Variants in TBCD observed in about 807,000 individuals in gnomAD.
TBCD encodes tubulin-specific chaperone D.
A neutral mutation model predicts 169.3 loss-of-function variants in TBCD; 105 were observed. The observed-to-expected ratio is 0.62, with a 90% CI of 0.53 to 0.73. The LOEUF (loss-of-function observed/expected upper bound fraction) is 0.73, where lower values mean the gene tolerates loss of function less well. Among genes scored for constraint, TBCD ranks in the 30% least tolerant of loss-of-function variants. TBCD has a pLI of 0.00. For synonymous variants in TBCD, 700 were observed against 643.9 expected (o/e 1.09, Z -1.32); for missense variants, 1,444 against 1,600.1 (o/e 0.90, Z 1.66).
At chr17:82,846,341 C>G (rs1219401605) in intron 13 of TBCD, among the ~76,000 whole-genome samples, 10 of 150,962 alleles carry the variant, frequency 6.6e-5, no homozygotes, top group African/African-American at 2.4e-4. Flanking sequence ...TCTCGTCCAG[C>G]CCTCTGCTGC....
chr17:82,898,699 C>T (rs1460402255), intron 17 of TBCD, among the ~76,000 whole-genome samples: 1 of 152,106 alleles, frequency 6.6e-6, no homozygotes, highest in African/African-American at 2.4e-5. Flanking sequence ...CTTTGTTCGG[C>T]ATATGTGTTG....
intron 27 of TBCD, among the ~76,000 whole-genome samples, chr17:82,925,735 G>GT (rs1484539930): frequency 6.6e-6 from 1 of 152,204 alleles, no homozygotes; most frequent in Non-Finnish European, 1.5e-5. Context: ...GGTTTATCCA[G>GT]TTGAAACACA....
chr17:82,904,150 TC>T (rs1412283878), intron 19 of TBCD, among the ~76,000 whole-genome samples: 4 of 148,712 alleles, frequency 2.7e-5, no homozygotes, highest in Non-Finnish European at 3.0e-5. Context: ...CTCCTTGGTC[TC>T]TAGGTGGCTT....
intron 38 of TBCD, 96 bp from the exon 39 acceptor site, chr17:82,942,353 A>G (rs1331927278): frequency 1.3e-6 from 2 of 1,556,534 alleles, no homozygotes; most frequent in East Asian, 2.2e-5. Context: ...GAACCGTGTC[A>G]GTCCCCACAC....
chr17:82,782,827 T>A lies in TBCD; in HGVS notation c.771+1106T>A, dbSNP rs577971100. 6.7e-6 allele frequency among the ~76,000 whole-genome samples: 1 copy of A among 148,408 alleles called. No individual in the cohort carries two copies. Among genetic ancestry groups the A allele is most frequent in the Non-Finnish European group, 1.5e-5 (1 of 66,782 alleles). ...CTGTCTGCGGTGGCGTCGTCCTGTC[T>A]GCGGTGGCGTCCTCCTGTCCGCAGA... On this transcript the variant is annotated intron_variant, in intron 7 of 38. Coordinates refer to ENST00000355528, the MANE Select transcript of TBCD (RefSeq NM_005993.5). The surrounding 1 kb of genome is among the most constrained non-coding windows in gnomAD (Gnocchi z 5.1).
intron 9 of TBCD, among the ~76,000 whole-genome samples, chr17:82,805,650 G>C (rs1426611154): frequency 6.6e-6 from 1 of 152,178 alleles, no homozygotes; most frequent in Non-Finnish European, 1.5e-5. Context: ...ACTAGCTGAG[G>C]ATGTTCTGGA....
intron 13 of TBCD, among the ~76,000 whole-genome samples, chr17:82,822,185 T>C (rs1263060812): frequency 2.0e-5 from 3 of 152,254 alleles, no homozygotes; most frequent in Admixed American, 6.5e-5. Flanking sequence ...ACAAGTGCGA[T>C]TGGCGCCCAC....
intron 14 of TBCD, among the ~76,000 whole-genome samples, chr17:82,873,017 G>GGCACCTCGTGGCCGACGGCT (rs1599105112): frequency 6.8e-6 from 1 of 146,712 alleles, no homozygotes; most frequent in African/African-American, 2.7e-5. Flanking sequence ...AGCCAGGCCC[G>GGCACCTCGTGGCCGACGGCT]TCTGGGCAGC....
rs1447930189 is a variant in TBCD, at chr17:82,831,537, C to T, written c.1318+16603C>T. 6.2e-7 allele frequency: 1 copy of T among 1,614,028 alleles called. No individual in the cohort carries two copies. Among genetic ancestry groups the T allele is most frequent in the East Asian group, 2.2e-5 (1 of 44,874 alleles). ...GGTTAGAGGGATATTGCTGGAAAAA[C>T]CTGTAGTGATCGTATGTGGCTGGAG... On this transcript the variant is annotated intron_variant, in intron 13 of 38. Coordinates refer to ENST00000355528, the MANE Select transcript of TBCD (RefSeq NM_005993.5). The surrounding 1 kb of genome is among the most constrained non-coding windows in gnomAD (Gnocchi z 4.6).
rs202149526 is a variant in TBCD, at chr17:82,927,280, A to G, written c.2566A>G (p.Met856Val). ...SQIYCALLGC[M>V]DDYTTDSRGD... ...GATTTACTGTGCGCTGCTGGGCTGC[A>G]TGGACGACTACACCACGGACAGCAG... is the stretch of plus-strand genomic sequence containing the variant. The change falls in exon 29 of 39, where the codon ATG becomes GTG. Residue 856 changes from methionine to valine, a missense_variant. Physicochemically the swap from Met to Val is conservative, Grantham distance 21 (BLOSUM62 1). Transcript: ENST00000355528. 2,990 of 1,614,008 alleles carry G rather than the reference A, an allele frequency of 1.9e-3. 2 individuals carry two copies. The highest frequency in any genetic ancestry group is 2.1e-3 in the Non-Finnish European group (2,490 of 1,179,882).
intron 6 of TBCD, among the ~76,000 whole-genome samples, chr17:82,773,169 G>C (rs918924969): frequency 6.6e-6 from 1 of 152,208 alleles, no homozygotes; most frequent in Non-Finnish European, 1.5e-5. Flanking sequence ...TCGAAAGCTG[G>C]TCCTAAAACC....
In TBCD at chr17:82,831,415, G is replaced by C. The variant is rs1001791048; in HGVS notation, c.1318+16481G>C. 6.2e-7 allele frequency: 1 copy of C among 1,614,226 alleles called. No homozygotes were observed. Among genetic ancestry groups the C allele is most frequent in the African/African-American group, 1.3e-5 (1 of 75,058 alleles). ...CAGGGTGGCTTCTTCAAGCAGGTGA[G>C]AGCTCTGATCTCGGGTGAGGCCAGT... On this transcript the variant is annotated intron_variant, in intron 13 of 38. Transcript: ENST00000355528. The surrounding 1 kb of genome is among the most constrained non-coding windows in gnomAD (Gnocchi z 4.6).
At chr17:82,787,930 A>G (rs1406120659) in intron 7 of TBCD, among the ~76,000 whole-genome samples, 2 of 152,220 alleles carry the variant, frequency 1.3e-5, no homozygotes, top group South Asian at 4.1e-4. Flanking sequence ...AAGGAAGGAG[A>G]AAAACACATT....
At chr17:82,783,470 A>G (rs1386169104) in intron 7 of TBCD, among the ~76,000 whole-genome samples, 1 of 152,244 alleles carries the variant, frequency 6.6e-6, no homozygotes, top group Non-Finnish European at 1.5e-5. Flanking sequence ...GGACACTGTC[A>G]TCATCGTGAG....
Position 82,903,407 on chromosome 17 carries a change from T to A in TBCD, c.1733T>A (p.Val578Asp). 6.2e-7 allele frequency: 1 copy of A among 1,601,246 alleles called. No homozygotes were observed. Residue 578 changes from valine to aspartate, a missense_variant and splice_region_variant, in exon 19 of 39, where the codon GTC becomes GAC. Physicochemically the swap from Val to Asp is radical, Grantham distance 152 (BLOSUM62 -3). Coordinates refer to ENST00000355528, the MANE Select transcript of TBCD (RefSeq NM_005993.5). This position sits in a 1 kb window ranked among gnomAD's most constrained non-coding sequence, Gnocchi z 4.8. ...CGACATTCTCTCCTCACTCTCAGGG[T>A]CATCCGAGAGTTGGCTGCGAGGGCG... ...VTMKISHWDG[V>D]IRELAARALH...
chr17:82,904,565 C>G (rs375247940), intron 19 of TBCD, among the ~76,000 whole-genome samples: 2 of 152,202 alleles, frequency 1.3e-5, no homozygotes, highest in South Asian at 2.1e-4. Context: ...TTTGTTCTGT[C>G]TTGTTTTTTT....
intron 14 of TBCD, among the ~76,000 whole-genome samples, chr17:82,873,982 C>T (rs940736102): frequency 1.3e-5 from 2 of 152,218 alleles, no homozygotes; most frequent in African/African-American, 4.8e-5. Flanking sequence ...GCCGCCCCTG[C>T]ACAGCCTCCT....
chr17:82,767,278 G>A (rs534688023), intron 4 of TBCD, among the ~76,000 whole-genome samples: 4 of 152,280 alleles, frequency 2.6e-5, no homozygotes, highest in South Asian at 2.1e-4. Flanking sequence ...ACTGATGAGC[G>A]CTGTGGGGCA....
Position 82,830,109 on chromosome 17 carries a change from C to G in TBCD, c.1318+15175C>G, listed in dbSNP as rs749538789. ...CCACCTTGGAAGGCGTGTGTGTGGCCGTAGCTCTGTGAACACACGTGTGAA... is the reference window on the plus strand; with the variant it reads ...CCACCTTGGAAGGCGTGTGTGTGGCGGTAGCTCTGTGAACACACGTGTGAA... On this transcript the variant is annotated intron_variant, in intron 13 of 38. Coordinates refer to ENST00000355528, the MANE Select transcript of TBCD (RefSeq NM_005993.5). The G allele has an allele frequency of 1.9e-6, 3 of 1,612,308 alleles. 1 individual carries two copies. In the South Asian group the frequency reaches 3.3e-5, roughly 18 times the overall value.
Sources: allele counts gnomAD v4.1 joint callset (sites outside exome capture counted in the v4.1 genomes callset), GRCh38; gene constraint gnomAD v4.1.1; non-coding constraint Gnocchi (gnomAD v3.1); transcripts MANE v1.5; gene names NCBI Gene and HGNC (gene_info 2026-07-23, HGNC 2026-07-21).